Variants in CCDC60 observed in about 807,000 individuals in gnomAD.
The protein encoded by CCDC60 is coiled-coil domain containing 60.
A neutral mutation model predicts 63.5 loss-of-function variants in CCDC60; 54 were observed. The observed-to-expected ratio is 0.85, with a 90% CI of 0.68 to 1.07. The LOEUF (loss-of-function observed/expected upper bound fraction) is 1.07. Among genes scored for constraint, CCDC60 ranks in the 50% least tolerant of loss-of-function variants. The pLI is 0.00. For synonymous variants in CCDC60, 206 were observed against 238.8 expected (o/e 0.86, Z 1.27); for missense variants, 651 against 684.3 (o/e 0.95, Z 0.54).
chr12:119,458,107 A>G (rs1480394349), intron 2 of CCDC60, among the ~76,000 whole-genome samples: 27 of 152,236 alleles, frequency 1.8e-4, no homozygotes, highest in Non-Finnish European at 4.4e-5. Context: ...GGGCTGACAG[A>G]GCAAGGCCTG....
At chr12:119,367,131 C>T (rs1180306546) in intron 1 of CCDC60, among the ~76,000 whole-genome samples, 3 of 152,206 alleles carry the variant, frequency 2.0e-5, no homozygotes, top group Non-Finnish European at 4.4e-5. Context: ...CCGCACCTGG[C>T]CTGAAAACAC....
intron 2 of CCDC60, among the ~76,000 whole-genome samples, chr12:119,470,873 G>A (rs1424229723): frequency 6.6e-6 from 1 of 152,036 alleles, no homozygotes; most frequent in African/African-American, 2.4e-5. Context: ...AACCCTGAGG[G>A]ACCCAATGTC....
intron 2 of CCDC60, among the ~76,000 whole-genome samples, chr12:119,443,340 T>C (rs947453779): frequency 2.0e-5 from 3 of 152,226 alleles, no homozygotes; most frequent in African/African-American, 7.2e-5. Context: ...TTCTCTGTCA[T>C]ATTAACTGAT....
chr12:119,429,887 C>G (rs1956966228), intron 2 of CCDC60, among the ~76,000 whole-genome samples: 1 of 152,062 alleles, frequency 6.6e-6, no homozygotes, highest in Non-Finnish European at 1.5e-5. Context: ...TGAGTAGCCA[C>G]ACTAGAAAAA....
intron 2 of CCDC60, among the ~76,000 whole-genome samples, chr12:119,457,029 C>T (rs1950761699): frequency 1.3e-5 from 2 of 152,206 alleles, no homozygotes; most frequent in Non-Finnish European, 2.9e-5. Flanking sequence ...GGTTTATACA[C>T]CTCTGACACA....
At chr12:119,538,123 T>C (rs1953061977) in intron 13 of CCDC60, among the ~76,000 whole-genome samples, 1 of 152,202 alleles carries the variant, frequency 6.6e-6, no homozygotes, top group Non-Finnish European at 1.5e-5. Context: ...GCCTCAGCAA[T>C]GGCGGATGCC....
rs1566050010 is a variant in CCDC60, at chr12:119,507,549, TAC to T, written c.883+2248_883+2249del. On this transcript the variant is annotated intron_variant, in intron 7 of 13. Coordinates refer to ENST00000327554, the MANE Select transcript of CCDC60 (RefSeq NM_178499.5). ...ATACACATATATATACACATATATA[TAC>T]ATATATATATATATATATGTATATA... is the stretch of plus-strand genomic sequence containing the variant. 7.7e-3 allele frequency among the ~76,000 whole-genome samples: 464 copies of T among 60,466 alleles called. 17 individuals carry two copies. Among genetic ancestry groups the T allele is most frequent in the African/African-American group, 0.036 (426 of 11,716 alleles). The allele number at this position is 60,466 out of a possible 152,430, so 39.7% of individuals were successfully genotyped here.
chr12:119,500,129 C>T lies in CCDC60; in HGVS notation c.609C>T (p.Ser203=), dbSNP rs1951812942. 10 of 1,611,896 alleles carry T rather than the reference C, an allele frequency of 6.2e-6. No homozygotes were observed. Among genetic ancestry groups the T allele is most frequent in the Non-Finnish European group, 8.5e-6 (10 of 1,179,422 alleles). The change falls in exon 6 of 14, where the codon TCC becomes TCT. Residue 203 remains serine, a synonymous_variant. Coordinates refer to ENST00000327554, the MANE Select transcript of CCDC60 (RefSeq NM_178499.5). The part of the protein sequence containing the change: ...STIKKINKDK[S]MGQKWEHFIT... ...TTAAAAAAATCAATAAGGACAAGTC[C>T]ATGGGACAGAAATGGGAGCATTTCA...
intron 2 of CCDC60, among the ~76,000 whole-genome samples, chr12:119,470,115 T>C (rs997754808): frequency 1.3e-5 from 2 of 152,210 alleles, no homozygotes; most frequent in African/African-American, 4.8e-5. Context: ...GAGGCCATCA[T>C]CAGACTCACC....
chr12:119,361,618 A>G (rs1356865081), intron 1 of CCDC60, among the ~76,000 whole-genome samples: 2 of 152,208 alleles, frequency 1.3e-5, no homozygotes, highest in Admixed American at 6.5e-5. Flanking sequence ...GGTTACCCAC[A>G]TTTGAGCAAC....
chr12:119,473,628 C>T (rs1951112954), intron 3 of CCDC60, among the ~76,000 whole-genome samples: 1 of 152,052 alleles, frequency 6.6e-6, no homozygotes, highest in African/African-American at 2.4e-5. Context: ...CCCAGGAGTC[C>T]CCAGAGTCCA....
At chr12:119,380,545 TC>T (rs1174179329) in intron 1 of CCDC60, among the ~76,000 whole-genome samples, 2 of 152,230 alleles carry the variant, frequency 1.3e-5, no homozygotes, top group Non-Finnish European at 2.9e-5. Flanking sequence ...AGAATTCTTC[TC>T]CCAGGAGTTT....
In CCDC60 at chr12:119,522,960, T is replaced by C; in HGVS notation, c.1062T>C (p.Ser354=). The change falls in exon 10 of 14, where the codon AGT becomes AGC. Residue 354 remains serine, a synonymous_variant. Coordinates refer to ENST00000327554, the MANE Select transcript of CCDC60 (RefSeq NM_178499.5). Reference sequence around the variant, plus strand: ...TCAGTGAGAGATCCAGCAGTACAAGTGCAGAAAGCCACATCCAACCAGTCC... The same window carrying C: ...TCAGTGAGAGATCCAGCAGTACAAGCGCAGAAAGCCACATCCAACCAGTCC... ...LKSSERSSST[S]AESHIQPVQK... The C allele has an allele frequency of 6.2e-7, 1 of 1,614,150 alleles. No homozygotes were observed. Among genetic ancestry groups the C allele is most frequent in the East Asian group, 2.2e-5 (1 of 44,882 alleles).
chr12:119,513,568 T>C (rs990744218), intron 7 of CCDC60, among the ~76,000 whole-genome samples: 1 of 152,186 alleles, frequency 6.6e-6, no homozygotes, highest in African/African-American at 2.4e-5. Flanking sequence ...ACACTAGTCA[T>C]TGGATAGAGG....
rs768007723 is a variant in CCDC60, at chr12:119,505,093, A to G, written c.673A>G (p.Met225Val). 8 of 1,606,888 alleles carry G rather than the reference A, an allele frequency of 5.0e-6. No homozygotes were observed. The highest frequency in any genetic ancestry group is 1.7e-4 in the Middle Eastern group (1 of 6,032). ...GACCAAGAAATTCAAAATTCCCACA[A>G]TGCGAGTCACCAACCGCAAACCAAG... The part of the protein sequence containing the change: ...PKTKKFKIPT[M>V]RVTNRKPSRR... The change falls in exon 7 of 14, where the codon ATG becomes GTG. Residue 225 changes from methionine (M) to valine (V), a missense_variant. Coordinates refer to ENST00000327554, the MANE Select transcript of CCDC60 (RefSeq NM_178499.5).
chr12:119,373,402 G>T (rs148760495), intron 1 of CCDC60, among the ~76,000 whole-genome samples: 2 of 152,226 alleles, frequency 1.3e-5, no homozygotes, highest in African/African-American at 4.8e-5. Flanking sequence ...ACCTCTCTGA[G>T]CCTCAGTTTC....
At chr12:119,523,869 A>T (rs911733556) in intron 11 of CCDC60, 51 bp downstream of exon 11, 1 of 1,582,614 alleles carries the variant, frequency 6.3e-7, no homozygotes, top group African/African-American at 1.3e-5. Flanking sequence ...CTGGGTACCT[A>T]CTATATGCCT....
intron 1 of CCDC60, among the ~76,000 whole-genome samples, chr12:119,341,642 C>T (rs1955533912): frequency 6.6e-6 from 1 of 152,208 alleles, no homozygotes. Context: ...GCTCCTCTCC[C>T]TTCTCTGATT....
intron 5 of CCDC60, among the ~76,000 whole-genome samples, chr12:119,489,840 C>T (rs972974879): frequency 1.3e-5 from 2 of 151,826 alleles, no homozygotes; most frequent in Non-Finnish European, 2.9e-5. Context: ...GCTCTGTCAC[C>T]AGGCCAGAGT....
Sources: allele counts gnomAD v4.1 joint callset (sites outside exome capture counted in the v4.1 genomes callset), GRCh38; gene constraint gnomAD v4.1.1; transcripts MANE v1.5; gene names NCBI Gene and HGNC (gene_info 2026-07-23, HGNC 2026-07-21).